The following NIPBL variants were observed in gnomAD, a reference collection of about 807,000 sequenced individuals.
NIPBL encodes nipped-B-like protein.
NIPBL carries 19 observed loss-of-function variants against 321.8 expected under a neutral mutation model. The ratio of observed to expected loss-of-function variants is 0.06; its 90% CI spans 0.04 to 0.09. The LOEUF (loss-of-function observed/expected upper bound fraction) is 0.09, where lower values mean the gene tolerates loss of function less well. Among genes scored for constraint, NIPBL ranks in the 10% least tolerant of loss-of-function variants. The pLI, the probability that NIPBL is intolerant of heterozygous loss-of-function variation, is 1.00. For missense variants in NIPBL, 2,210 were observed against 3,327.0 expected, an observed-to-expected ratio of 0.66 and a Z score of 8.26; for synonymous variants, 1,106 against 1,114.1, an observed-to-expected ratio of 0.99 and a Z score of 0.14.
chr5:36,976,951 CTT>C (rs1743541811), intron 9 of NIPBL, among the ~76,000 whole-genome samples: 2 of 152,038 alleles, frequency 1.3e-5, no homozygotes, highest in African/African-American at 4.8e-5. Context: ...AATTAAGAGT[CTT>C]TTGGTGGTAA....
intron 6 of NIPBL, among the ~76,000 whole-genome samples, chr5:36,964,740 A>G (rs1166179562): frequency 6.6e-6 from 1 of 152,176 alleles, no homozygotes; most frequent in Non-Finnish European, 1.5e-5. Flanking sequence ...AAATGAAGAG[A>G]CAACCTACAG....
At chr5:37,048,796 G>T (rs1753227090) in intron 39 of NIPBL, 121 bp downstream of exon 39, 2 of 838,322 alleles carry the variant, frequency 2.4e-6, no homozygotes, top group Admixed American at 4.8e-5. Flanking sequence ...TTAAATAGCA[G>T]TCCTTATGCT....
intron 35 of NIPBL, 72 bp from the exon 36 acceptor site, chr5:37,044,564 T>A: frequency 3.2e-6 from 5 of 1,577,898 alleles, no homozygotes; most frequent in Non-Finnish European, 4.3e-6. Context: ...TTAAAGCAAA[T>A]ATTTGTAAAA....
chr5:36,944,811 A>G (rs1354692935), intron 1 of NIPBL, among the ~76,000 whole-genome samples: 1 of 151,934 alleles, frequency 6.6e-6, no homozygotes, highest in Non-Finnish European at 1.5e-5. Context: ...CCTCTTGTGG[A>G]CTATTCAGTA....
chr5:36,891,041 G>A (rs868487482), intron 1 of NIPBL, among the ~76,000 whole-genome samples: 6 of 152,084 alleles, frequency 3.9e-5, no homozygotes, highest in African/African-American at 7.2e-5. Flanking sequence ...CGAGGCGGGC[G>A]GATCACGAAG....
chr5:37,044,274 C>A, intron 34 of NIPBL, 73 bp from the exon 35 acceptor site: 1 of 1,409,530 alleles, frequency 7.1e-7, no homozygotes, highest in Non-Finnish European at 9.8e-7. Flanking sequence ...TTTCTGCCCC[C>A]AAATACGTAA....
intron 21 of NIPBL, among the ~76,000 whole-genome samples, chr5:37,013,911 G>C (rs1051389385): frequency 7.2e-5 from 11 of 152,230 alleles, no homozygotes; most frequent in Non-Finnish European, 1.2e-4. Context: ...ACTCCAGCCT[G>C]GGCACCATTG....
chr5:37,044,073 T>TTAG (rs1411225873), intron 34 of NIPBL, among the ~76,000 whole-genome samples: 1 of 152,238 alleles, frequency 6.6e-6, no homozygotes, highest in Non-Finnish European at 1.5e-5. Flanking sequence ...ATACCTTTGT[T>TTAG]TAGAATTGAC....
chr5:37,000,923 A>G, intron 13 of NIPBL, 35 bp downstream of exon 13: 4 of 1,594,578 alleles, frequency 2.5e-6, no homozygotes, highest in Non-Finnish European at 2.6e-6. Flanking sequence ...GTCTTTATTC[A>G]TATTCTTCAG....
intron 22 of NIPBL, 111 bp from the exon 23 acceptor site, chr5:37,015,927 C>T: frequency 2.0e-6 from 2 of 999,402 alleles, no homozygotes; most frequent in East Asian, 2.5e-5. Context: ...TATTTTGTTA[C>T]TAAACATAGA....
chr5:36,944,354 C>T (rs1739434203), intron 1 of NIPBL, among the ~76,000 whole-genome samples: 1 of 152,030 alleles, frequency 6.6e-6, no homozygotes, highest in Non-Finnish European at 1.5e-5. Flanking sequence ...TTCTTGATTG[C>T]TCTTTCATGT....
chr5:37,004,703 G>A (rs1385734314), intron 16 of NIPBL, among the ~76,000 whole-genome samples: 1 of 151,946 alleles, frequency 6.6e-6, no homozygotes, highest in African/African-American at 2.4e-5. Context: ...CACTACACCT[G>A]GCCAAATTTT....
At chr5:36,917,636 CT>C (rs1183499577) in intron 1 of NIPBL, among the ~76,000 whole-genome samples, 5 of 152,108 alleles carry the variant, frequency 3.3e-5, no homozygotes, top group African/African-American at 1.2e-4. Context: ...AGGTTTTCTT[CT>C]AGGGTTTTTA....
At chr5:37,033,902 G>A (rs1184431987) in intron 32 of NIPBL, among the ~76,000 whole-genome samples, 1 of 150,598 alleles carries the variant, frequency 6.6e-6, no homozygotes, top group Non-Finnish European at 1.5e-5. Context: ...AGGAAAGGAT[G>A]CCTTAAACAA....
At chr5:37,040,226 T>C (rs548293838) in intron 34 of NIPBL, among the ~76,000 whole-genome samples, 9 of 152,286 alleles carry the variant, frequency 5.9e-5, no homozygotes, top group Non-Finnish European at 1.2e-4. Context: ...ACTTTTAAAA[T>C]GTCTTGTGCA....
intron 1 of NIPBL, among the ~76,000 whole-genome samples, chr5:36,952,482 G>T (rs1740499444): frequency 6.6e-6 from 1 of 152,078 alleles, no homozygotes; most frequent in Non-Finnish European, 1.5e-5. Flanking sequence ...TGCGTACATT[G>T]TTAAAATATT....
At chr5:36,893,122 C>G (rs774714251) in intron 1 of NIPBL, among the ~76,000 whole-genome samples, 2 of 152,082 alleles carry the variant, frequency 1.3e-5, no homozygotes, top group South Asian at 4.1e-4. Context: ...TAGGGCCTTT[C>G]TGGTGTATTT....
chr5:36,931,316 C>A (rs1003208133), intron 1 of NIPBL, among the ~76,000 whole-genome samples: 1 of 151,110 alleles, frequency 6.6e-6, no homozygotes, highest in Middle Eastern at 3.4e-3. Context: ...CCTTTTAATT[C>A]TTTCTTTTTT....
chr5:36,886,130 C>A, intron 1 of NIPBL: 1 of 653,616 alleles, frequency 1.5e-6, no homozygotes, highest in Non-Finnish European at 2.8e-6. Flanking sequence ...GGAGATCCAT[C>A]TGGACTTGAT....
Sources: gnomAD v4.1 joint callset for allele counts (sites outside exome capture counted in the v4.1 genomes callset) on GRCh38, gnomAD v4.1.1 for gene constraint, MANE v1.5 for transcripts, NCBI Gene and HGNC (gene_info 2026-07-23, HGNC 2026-07-21) for gene names.